The following FER1L5 variants were observed in gnomAD, a reference collection of about 807,000 sequenced individuals.
FER1L5 encodes the protein fer-1 like family member 5, also known as fer-1-like protein 5.
Under a neutral mutation model 279.9 loss-of-function variants are expected in FER1L5, and 187 were observed. The ratio of observed to expected loss-of-function variants is 0.67; its 90% CI spans 0.59 to 0.75. The LOEUF is 0.75. Among genes scored for constraint, FER1L5 ranks in the 30% least tolerant of loss-of-function variants. The pLI is 0.00. For missense variants in FER1L5, 2,091 were observed against 2,594.4 expected (o/e 0.81, Z 4.21); for synonymous variants, 921 against 989.7 (o/e 0.93, Z 1.30).
chr2:96,687,997 G>A, intron 24 of FER1L5, 50 bp downstream of exon 24: 1 of 1,544,702 alleles, frequency 6.5e-7, no homozygotes, highest in African/African-American at 1.4e-5. Context: ...CGGGGGTGGG[G>A]GTAGGGTGGC....
intron 21 of FER1L5, 95 bp downstream of exon 21, chr2:96,685,524 C>T (rs2076888156): frequency 1.9e-6 from 2 of 1,041,852 alleles, no homozygotes; most frequent in Non-Finnish European, 2.8e-6. Flanking sequence ...CCTCCCCCCG[C>T]CCTCCTCGGG....
Position 96,669,138 on chromosome 2 carries a change from G to A in FER1L5, c.1362+1G>A, listed in dbSNP as rs2076232774. 2 of 1,551,234 alleles carry A rather than the reference G, an allele frequency of 1.3e-6. No homozygotes were observed. The highest frequency in any genetic ancestry group is 2.0e-5 in the Admixed American group (1 of 50,980). The stretch of plus-strand genomic sequence containing the variant: ...TTTCAGGATCCAGGAAGAAGGCGCT[G>A]TAAGCTTCTCACATCAGCTCTAGGG... On this transcript the variant is annotated splice_donor_variant, in intron 17 of 52. Transcript: ENST00000624922. LOFTEE classifies it high-confidence loss of function.
Position 96,694,173 on chromosome 2 carries a change from C to T in FER1L5, c.3636+101C>T. 2 of 1,439,720 alleles carry T rather than the reference C, an allele frequency of 1.4e-6. No individual in the cohort carries two copies. The highest frequency in any genetic ancestry group is 1.8e-6 in the Non-Finnish European group (2 of 1,089,102). The allele number at this position is 1,439,720 out of a possible 1,614,324, so 89.2% of individuals were successfully genotyped here. ...CCAACTCCACCCTGTCAGGAAATGC[C>T]TGGGGCCCAGGATCCCGAGCTGTGG... On this transcript the variant is annotated intron_variant, in intron 33 of 52. Transcript: ENST00000624922. This position sits in a 1 kb window ranked among gnomAD's most constrained non-coding sequence, Gnocchi z 4.6.
rs367734500 is a variant in FER1L5, at chr2:96,697,594, C to T, written c.4134+18C>T. On this transcript the variant is annotated intron_variant, in intron 38 of 52. Coordinates refer to ENST00000624922, the MANE Select transcript of FER1L5 (RefSeq NM_001293083.2). ...AAGCAGAGGTGATGAAGGCTCAGCC[C>T]CATTCAGTGCAGGGAGGTGGGGGGC... The T allele has an allele frequency of 1.2e-5, 20 of 1,613,764 alleles. No individual in the cohort carries two copies. In the East Asian group the frequency reaches 4.0e-4, roughly 32 times the overall value.
At chr2:96,666,983 AG>A (rs748560021) in intron 14 of FER1L5, among the ~76,000 whole-genome samples, 5 of 152,214 alleles carry the variant, frequency 3.3e-5, no homozygotes, top group Non-Finnish European at 5.9e-5. Context: ...AAAATAATTG[AG>A]GAAACCATAA....
At position 96,696,063 on chromosome 2, in the gene FER1L5, A is replaced by G; in HGVS notation, c.4069A>G (p.Lys1357Glu). 2 of 1,613,892 alleles carry G rather than the reference A, an allele frequency of 1.2e-6. No homozygotes were observed. Among genetic ancestry groups the G allele is most frequent in the South Asian group, 1.1e-5 (1 of 91,078 alleles). Residue 1357 changes from lysine to glutamate, a missense_variant, in exon 37 of 53, where the codon AAG becomes GAG. Coordinates refer to ENST00000624922, the MANE Select transcript of FER1L5 (RefSeq NM_001293083.2). ...CTCTCCCCGCACAGCGCTGTCTGAGAAGAAGCACCAAGACGTAAGTAAGGG... is the reference window on the plus strand; with the variant it reads ...CTCTCCCCGCACAGCGCTGTCTGAGGAGAAGCACCAAGACGTAAGTAAGGG... Reference protein sequence around the residue: ...MHPKLPTLSEKKHQDFLGYLY... With the variant: ...MHPKLPTLSEEKHQDFLGYLY...
intron 31 of FER1L5, among the ~76,000 whole-genome samples, chr2:96,692,490 G>A (rs927292030): frequency 1.3e-5 from 2 of 152,254 alleles, no homozygotes; most frequent in African/African-American, 4.8e-5. Context: ...CGTGACCCCA[G>A]TGCTGTGGAA....
chr2:96,670,309 GTGGATCCCAGT>G, intron 18 of FER1L5, 62 bp downstream of exon 18: 1 of 1,539,536 alleles, frequency 6.5e-7, no homozygotes, highest in Non-Finnish European at 8.8e-7. Flanking sequence ...CGGATCTACT[GTGGATCCCAGT>G]TTCTGACCGT....
In FER1L5 at chr2:96,703,641, C is replaced by G. The variant is rs750836456; in HGVS notation, c.5801+9C>G. 8 of 1,612,922 alleles carry G rather than the reference C, an allele frequency of 5.0e-6. No individual in the cohort carries two copies. The Admixed American group carries it at 1.3e-4, about 27-fold the overall frequency. ...ACACTTCATCCTCCCCTGTAAGGGT[C>G]CTTGGGGCAAAAGCACCAGATCTTT... On this transcript the variant is annotated intron_variant, in intron 51 of 52. Coordinates refer to ENST00000624922, the MANE Select transcript of FER1L5 (RefSeq NM_001293083.2).
chr2:96,668,956 G>T lies in FER1L5; in HGVS notation c.1255G>T (p.Glu419Ter). ...CCTCAACCAGATCTCGTCCACCGGA[G>T]AAGAGATAGAAGGCAAGCAAAGCCT... ...LSLNQISSTG[E>*]EIEGVYSGFL... Residue 419 changes from glutamate (E) to a stop codon, truncating the protein, a stop_gained, in exon 16 of 53, where the codon GAA becomes TAA. Coordinates refer to ENST00000624922, the MANE Select transcript of FER1L5 (RefSeq NM_001293083.2). LOFTEE classifies it high-confidence loss of function. 6.4e-7 allele frequency: 1 copy of T among 1,551,608 alleles called. No individual in the cohort carries two copies. The highest frequency in any genetic ancestry group is 1.2e-5 in the South Asian group (1 of 84,044).
In FER1L5 at chr2:96,650,289, G is replaced by C. The variant is rs1022676232; in HGVS notation, c.504G>C (p.Gln168His). ...TGTCCTCAAAGCCTCAGCACTTTCAGGTGAGGACCTTCCAGGTTGCAAGTT... is the reference window on the plus strand; with the variant it reads ...TGTCCTCAAAGCCTCAGCACTTTCACGTGAGGACCTTCCAGGTTGCAAGTT... Reference protein sequence around the residue: ...RALSSKPQHFQVRVKVFEARQ... With the variant: ...RALSSKPQHFHVRVKVFEARQ... Residue 168 changes from glutamine to histidine, a missense_variant and splice_region_variant, in exon 6 of 53, where the codon CAG becomes CAC. By Grantham distance (24) the Gln-to-His change is conservative (BLOSUM62 0). Coordinates refer to ENST00000624922, the MANE Select transcript of FER1L5 (RefSeq NM_001293083.2). The C allele has an allele frequency of 3.2e-6, 5 of 1,551,034 alleles. No homozygotes were observed. The African/African-American group carries it at 6.8e-5, about 21-fold the overall frequency.
rs1399821751 is a variant in FER1L5, at chr2:96,642,789, A to G, written c.-48A>G. 1 of 1,532,148 alleles carries G rather than the reference A, an allele frequency of 6.5e-7. No homozygotes were observed. The highest frequency in any genetic ancestry group is 2.5e-5 in the East Asian group (1 of 40,178). 94.9% of individuals were successfully genotyped at this position (1,532,148 alleles called of 1,614,324 possible). A position where few individuals can be genotyped will look rare whatever the true frequency, so the allele number is the denominator to read the frequency against. ...CTTGGACTGAGGAGCTCCAAAAAGG[A>G]AGCTGTGGCGCTGCGTAGGGAAGGA... On this transcript the variant is annotated 5_prime_UTR_variant, in exon 1 of 53. Coordinates refer to ENST00000624922, the MANE Select transcript of FER1L5 (RefSeq NM_001293083.2).
chr2:96,644,872 A>G (rs2075050963), intron 1 of FER1L5, among the ~76,000 whole-genome samples: 1 of 152,174 alleles, frequency 6.6e-6, no homozygotes, highest in African/African-American at 2.4e-5. Context: ...TAGCCAGGCA[A>G]GGGCCTGGCA....
At chr2:96,665,984 C>T (rs368381800) in intron 14 of FER1L5, among the ~76,000 whole-genome samples, 3 of 152,202 alleles carry the variant, frequency 2.0e-5, no homozygotes, top group South Asian at 2.1e-4. Flanking sequence ...TCAAACACCC[C>T]TGGAACCTCA....
intron 14 of FER1L5, among the ~76,000 whole-genome samples, chr2:96,667,291 T>C (rs1170016709): frequency 6.6e-6 from 1 of 152,090 alleles, no homozygotes; most frequent in Admixed American, 6.5e-5. Flanking sequence ...GGAATTTGTT[T>C]AGCACAAGCC....
intron 1 of FER1L5, among the ~76,000 whole-genome samples, chr2:96,644,187 A>AG (rs1173901869): frequency 4.7e-5 from 7 of 150,226 alleles, no homozygotes; most frequent in African/African-American, 9.8e-5. Flanking sequence ...AAAAAAAAAA[A>AG]AAAGAAAGAG....
chr2:96,661,473 TCCTGGCTGCCTCCTGGGGGCACCCCTGGG>T, intron 11 of FER1L5, 33 bp downstream of exon 11: 2 of 1,545,654 alleles, frequency 1.3e-6, no homozygotes, highest in Non-Finnish European at 1.8e-6. Context: ...AACTTTCCTA[TCCTGGCTGCCTCCTGGGGGCACCCCTGGG>T]CCTCACCCTG....
At chr2:96,699,471 G>T in intron 42 of FER1L5, 79 bp from the exon 43 acceptor site, 1 of 1,485,892 alleles carries the variant, frequency 6.7e-7, no homozygotes, top group East Asian at 2.3e-5. Flanking sequence ...AGGGGCCTAC[G>T]GGGCCGAGAC....
intron 5 of FER1L5, among the ~76,000 whole-genome samples, 159 bp from the exon 6 acceptor site, chr2:96,650,021 T>C (rs550136545): frequency 1.4e-4 from 22 of 152,248 alleles, no homozygotes; most frequent in African/African-American, 5.1e-4. Flanking sequence ...AAGGGGCCCA[T>C]GGTAATGTTC....
Sources: gnomAD v4.1 joint callset for allele counts (sites outside exome capture counted in the v4.1 genomes callset) on GRCh38, gnomAD v4.1.1 for gene constraint, Gnocchi (gnomAD v3.1) non-coding constraint, MANE v1.5 for transcripts, NCBI Gene and HGNC (gene_info 2026-07-23, HGNC 2026-07-21) for gene names.